Variants in ARHGEF4 observed in about 807,000 individuals in gnomAD.
The protein encoded by ARHGEF4 is Rho guanine nucleotide exchange factor 4.
In ARHGEF4, 119 loss-of-function variants were observed where a neutral mutation model predicts 162.0. The observed-to-expected ratio is 0.73, with a 90% confidence interval of 0.63 to 0.86. ARHGEF4 has a LOEUF of 0.86. ARHGEF4 is among the 40% of genes least tolerant of loss of function. The pLI, the probability that ARHGEF4 is intolerant of heterozygous loss-of-function variation, is 0.00. For synonymous variants in ARHGEF4, 1,014 were observed against 979.9 expected (o/e 1.03, Z -0.65); for missense variants, 2,488 against 2,456.0 (o/e 1.01, Z -0.28).
At chr2:130,994,371 A>G (rs13014923) in intron 4 of ARHGEF4, among the ~76,000 whole-genome samples, 93,471 of 151,980 alleles carry the variant, frequency 0.62, 32,564 homozygotes, top group Non-Finnish European at 0.77. Context: ...ATACACTCTT[A>G]TTATTATTTT....
chr2:130,860,460 G>A (rs1480201473), intron 1 of ARHGEF4, among the ~76,000 whole-genome samples: 2 of 78,406 alleles, frequency 2.6e-5, no homozygotes, highest in African/African-American at 1.7e-4. Context: ...TGTAATCCCA[G>A]CACTTTGGGA....
chr2:131,001,472 A>G (rs545087829), intron 4 of ARHGEF4, among the ~76,000 whole-genome samples: 2 of 152,338 alleles, frequency 1.3e-5, no homozygotes, highest in Non-Finnish European at 2.9e-5. Context: ...TCGAGAAGCA[A>G]CAAGAGAAAC....
intron 1 of ARHGEF4, among the ~76,000 whole-genome samples, chr2:130,871,059 A>G (rs1217591594): frequency 6.6e-6 from 1 of 152,046 alleles, no homozygotes; most frequent in African/African-American, 2.4e-5. Flanking sequence ...GTGGGAGACG[A>G]GCTCCAACAG....
At chr2:130,887,412 A>G (rs374588854) in intron 1 of ARHGEF4, among the ~76,000 whole-genome samples, 2 of 152,084 alleles carry the variant, frequency 1.3e-5, no homozygotes, top group East Asian at 3.8e-4. Flanking sequence ...GCACTTAACA[A>G]TATTAAGCCT....
chr2:130,992,842 G>C (rs574170494), intron 4 of ARHGEF4, among the ~76,000 whole-genome samples: 17 of 152,326 alleles, frequency 1.1e-4, no homozygotes, highest in African/African-American at 3.8e-4. Context: ...CCAGCACTTT[G>C]GGAGGCTGAG....
chr2:130,945,541 T>C (rs1027307526), intron 3 of ARHGEF4, among the ~76,000 whole-genome samples: 1 of 152,156 alleles, frequency 6.6e-6, no homozygotes, highest in East Asian at 1.9e-4. Context: ...AAGGACCCTT[T>C]TCCCTCTCTT....
chr2:130,946,041 C>G (rs1683593433), intron 3 of ARHGEF4, among the ~76,000 whole-genome samples: 1 of 152,212 alleles, frequency 6.6e-6, no homozygotes, highest in Admixed American at 6.5e-5. Context: ...GCTTATATCC[C>G]TGGTCATCCC....
At chr2:131,016,535 C>G (rs1688786125) in intron 4 of ARHGEF4, among the ~76,000 whole-genome samples, 2 of 152,370 alleles carry the variant, frequency 1.3e-5, no homozygotes, top group East Asian at 3.9e-4. Context: ...AGAAGTTTCT[C>G]AAAGGGCCCC....
In ARHGEF4 at chr2:131,040,107, G is replaced by T. The variant is rs1361142377; in HGVS notation, c.4397G>T (p.Ser1466Ile). ...AEDGGAEAQS[S>I]KDQMRTNVIN... ...GACGGCGGGGCGGAGGCGCAGAGCAGCAAGGACCAGATGCGGACCAACGTC... is the reference window on the plus strand; with the variant it reads ...GACGGCGGGGCGGAGGCGCAGAGCATCAAGGACCAGATGCGGACCAACGTC... The change falls in exon 7 of 14, where the codon AGC becomes ATC. Residue 1466 changes from serine (S) to isoleucine (I), a missense_variant. By Grantham distance (142) the Ser-to-Ile change is moderately radical. Coordinates refer to ENST00000409359, the MANE Select transcript of ARHGEF4 (RefSeq NM_001367493.1). 4 of 1,611,594 alleles carry T rather than the reference G, an allele frequency of 2.5e-6. No individual in the cohort carries two copies. In the South Asian group the frequency reaches 4.4e-5, roughly 18 times the overall value.
intron 4 of ARHGEF4, among the ~76,000 whole-genome samples, chr2:130,974,300 G>A (rs1195247204): frequency 6.6e-6 from 1 of 151,438 alleles, no homozygotes; most frequent in Non-Finnish European, 1.5e-5. Context: ...AGAAACATGG[G>A]CTATCAAGAA....
chr2:130,846,330 G>C (rs1680963014), intron 1 of ARHGEF4, among the ~76,000 whole-genome samples: 1 of 152,198 alleles, frequency 6.6e-6, no homozygotes, highest in Admixed American at 6.5e-5. Flanking sequence ...CACAACCCAA[G>C]AGTCACCTCT....
Position 131,040,148 on chromosome 2 carries a change from A to T in ARHGEF4, c.4438A>T (p.Ser1480Cys), listed in dbSNP as rs1192722960. The T allele has an allele frequency of 6.2e-7, 1 of 1,613,392 alleles. No individual in the cohort carries two copies. Among genetic ancestry groups the T allele is most frequent in the African/African-American group, 1.3e-5 (1 of 75,044 alleles). Residue 1480 changes from serine to cysteine, a missense_variant, in exon 7 of 14, where the codon AGC becomes TGC. This residue lies in a region of ARHGEF4 where 174 missense variants were observed against 148.3 expected (regional missense o/e 1.17). Coordinates refer to ENST00000409359, the MANE Select transcript of ARHGEF4 (RefSeq NM_001367493.1). ...MRTNVINEIL[S>C]TERDYIKHLR... ...GACCAACGTCATCAACGAGATCCTC[A>T]GCACTGAGCGGGACTACATCAAGCA...
intron 4 of ARHGEF4, among the ~76,000 whole-genome samples, chr2:130,952,343 C>A (rs950251117): frequency 6.6e-6 from 1 of 152,060 alleles, no homozygotes; most frequent in Non-Finnish European, 1.5e-5. Flanking sequence ...TTTTAGCAGG[C>A]CTTTGACAGA....
chr2:130,854,735 A>C (rs752801923), intron 1 of ARHGEF4, among the ~76,000 whole-genome samples: 10 of 152,138 alleles, frequency 6.6e-5, no homozygotes, highest in Non-Finnish European at 1.3e-4. Context: ...AGCTGGTAGA[A>C]TGGGGATGTC....
At chr2:131,012,953 C>T (rs1471136245) in intron 4 of ARHGEF4, among the ~76,000 whole-genome samples, 1 of 152,160 alleles carries the variant, frequency 6.6e-6, no homozygotes, top group Non-Finnish European at 1.5e-5. Flanking sequence ...TTTCTTTACA[C>T]GTACAAAATG....
intron 1 of ARHGEF4, among the ~76,000 whole-genome samples, chr2:130,847,262 G>T (rs1165699068): frequency 6.6e-6 from 1 of 152,196 alleles, no homozygotes; most frequent in Non-Finnish European, 1.5e-5. Context: ...CAAACTGGGT[G>T]ATATTAGTGA....
chr2:130,865,182 G>A (rs759468008), intron 1 of ARHGEF4, among the ~76,000 whole-genome samples: 14 of 152,242 alleles, frequency 9.2e-5, no homozygotes, highest in African/African-American at 1.9e-4. Context: ...AGAAGAGAGA[G>A]GAAATTGCCC....
Position 130,836,987 on chromosome 2 carries a change from T to C in ARHGEF4, c.34T>C (p.Phe12Leu). 1 of 1,226,942 alleles carries C rather than the reference T, an allele frequency of 8.2e-7. No homozygotes were observed. Among genetic ancestry groups the C allele is most frequent in the Non-Finnish European group, 1.0e-6 (1 of 984,902 alleles). 76.0% of individuals were successfully genotyped at this position (1,226,942 alleles called of 1,614,324 possible). Residue 12 changes from phenylalanine to leucine, a missense_variant, in exon 1 of 14, where the codon TTC becomes CTC. By Grantham distance (22) the Phe-to-Leu change is conservative. Transcript: ENST00000409359. ...LSVVHFLRSF[F>L]KTPEPGAHLP... ...CGTCGTGCACTTCCTCCGGAGCTTC[T>C]TCAAGGTGAGAGCCGGCGTCCGGGA...
At chr2:130,892,818 G>T (rs143704845) in intron 1 of ARHGEF4, among the ~76,000 whole-genome samples, 2,127 of 152,228 alleles carry the variant, frequency 0.014, 27 homozygotes, top group Middle Eastern at 0.044. Context: ...GCTATGCAGG[G>T]TCTGCTGCCA....
Sources: allele counts gnomAD v4.1 joint callset (sites outside exome capture counted in the v4.1 genomes callset), GRCh38; gene constraint gnomAD v4.1.1; regional missense constraint gnomAD v4.1.1; transcripts MANE v1.5; gene names NCBI Gene and HGNC (gene_info 2026-07-23, HGNC 2026-07-21).